MATK: variants seen among roughly 807,000 people sequenced by gnomAD.
MATK encodes the protein megakaryocyte-associated tyrosine kinase.
A neutral mutation model predicts 59.8 loss-of-function variants in MATK; 41 were observed. That is an observed-to-expected ratio of 0.69 (90% CI 0.53 to 0.89). The LOEUF (loss-of-function observed/expected upper bound fraction) is 0.89, where lower values mean the gene tolerates loss of function less well. Among genes scored for constraint, MATK ranks in the 40% least tolerant of loss-of-function variants. The pLI is 0.00. For missense variants in MATK, 593 were observed against 719.6 expected, an observed-to-expected ratio of 0.82 and a Z score of 2.01; for synonymous variants, 308 against 306.1, an observed-to-expected ratio of 1.01 and a Z score of -0.06.
chr19:3,784,426 C>T lies in MATK; in HGVS notation c.158G>A (p.Cys53Tyr), dbSNP rs767367664. Residue 53 changes from cysteine to tyrosine, a missense_variant, in exon 4 of 14, where the codon TGT (cysteine) becomes TAT (tyrosine). Coordinates refer to ENST00000310132, the MANE Select transcript of MATK (RefSeq NM_139355.3). ...PTRRWAPGTQ[C>Y]ITKCEHTRPK... ...GCGGGTGTGCTCGCATTTGGTGATACACTGGGTGCCCGGGGCCCAGCGCCT... is the reference window on the plus strand; with the variant it reads ...GCGGGTGTGCTCGCATTTGGTGATATACTGGGTGCCCGGGGCCCAGCGCCT... 1 of 1,601,522 alleles carries T rather than the reference C, an allele frequency of 6.2e-7. No individual in the cohort carries two copies. The highest frequency in any genetic ancestry group is 8.5e-7 in the Non-Finnish European group (1 of 1,176,500).
chr19:3,779,684 AC>A lies in MATK; in HGVS notation c.842+13del, dbSNP rs2037372182. The A allele has an allele frequency of 6.2e-7, 1 of 1,610,254 alleles. No homozygotes were observed. The highest frequency in any genetic ancestry group is 1.4e-5 in the African/African-American group (1 of 73,510). Reference sequence around the variant, plus strand: ...CCCCCGTCCCACGGTCCCCAGCCCCACCCTGGGACTCACGTCATGACGGCCG... The same window carrying A: ...CCCCCGTCCCACGGTCCCCAGCCCCACCTGGGACTCACGTCATGACGGCCG... On this transcript the variant is annotated intron_variant, in intron 9 of 13. Coordinates refer to ENST00000310132, the MANE Select transcript of MATK (RefSeq NM_139355.3).
rs779864879 is a variant in MATK, at chr19:3,781,672, G to A, written c.677C>T (p.Ala226Val). 10 of 1,612,742 alleles carry A rather than the reference G, an allele frequency of 6.2e-6. No individual in the cohort carries two copies. Among genetic ancestry groups the A allele is most frequent in the Admixed American group, 5.0e-5 (3 of 59,982 alleles). ...TKSAEEELAR[A>V]GWLLNLQHLT... ...ATGCTGCAGGTTCAGTAACCAGCCC[G>A]CTGTGGAGTGAAGACCCAGTCAGAG... Residue 226 changes from alanine to valine, a missense_variant and splice_region_variant, in exon 8 of 14, where the codon GCG becomes GTG. Transcript: ENST00000310132.
chr19:3,778,115 G>T lies in MATK; in HGVS notation c.*68C>A. 6.6e-7 allele frequency: 1 copy of T among 1,505,042 alleles called. No individual in the cohort carries two copies. The allele number at this position is 1,505,042 out of a possible 1,614,324, so 93.2% of individuals were successfully genotyped here. On this transcript the variant is annotated 3_prime_UTR_variant, in exon 14 of 14. Coordinates refer to ENST00000310132, the MANE Select transcript of MATK (RefSeq NM_139355.3). ...CCCGCCTGGACCCTCCTTGGGCCTGGTCAGTGCCCCCACGCCGCACTCTCC... is the reference window on the plus strand; with the variant it reads ...CCCGCCTGGACCCTCCTTGGGCCTGTTCAGTGCCCCCACGCCGCACTCTCC...
At chr19:3,782,016 G>A (rs921092148) in intron 7 of MATK, among the ~76,000 whole-genome samples, 1 of 152,114 alleles carries the variant, frequency 6.6e-6, no homozygotes, top group Non-Finnish European at 1.5e-5. Context: ...AGGCCCAAGG[G>A]GTAGTGCCAG....
At chr19:3,789,443 G>T, upstream of MATK, 1 of 594,416 alleles carries the variant, frequency 1.7e-6, no homozygotes, top group Non-Finnish European at 3.1e-6. Context: ...CTCCCGAGGA[G>T]CCCCAGGGCT....
chr19:3,784,726 A>T (rs928949648), intron 3 of MATK, 99 bp downstream of exon 3: 5 of 799,900 alleles, frequency 6.3e-6, no homozygotes, highest in Non-Finnish European at 1.1e-5. Flanking sequence ...AGAAGGGGGT[A>T]GGGGGCAGAG....
At chr19:3,798,516 T>C (rs2037615439) in intron 1 of MATK, among the ~76,000 whole-genome samples, 1 of 152,144 alleles carries the variant, frequency 6.6e-6, no homozygotes, top group African/African-American at 2.4e-5. Flanking sequence ...ATTTTTTATT[T>C]TTTTTATTTT....
chr19:3,779,368 T>C lies in MATK; in HGVS notation c.1001+10A>G. On this transcript the variant is annotated intron_variant, in intron 11 of 13. Coordinates refer to ENST00000310132, the MANE Select transcript of MATK (RefSeq NM_139355.3). ...CCCCAGTGCCGCAGCACCCTGAGAG[T>C]CCCACTTACAGAGAAAACTGCAGGA... 1 of 1,612,784 alleles carries C rather than the reference T, an allele frequency of 6.2e-7. No individual in the cohort carries two copies. Among genetic ancestry groups the C allele is most frequent in the South Asian group, 1.1e-5 (1 of 91,062 alleles).
upstream of MATK, chr19:3,789,260 A>T (rs780195472): frequency 3.9e-6 from 3 of 774,302 alleles, no homozygotes; most frequent in Non-Finnish European, 7.2e-6. Context: ...CAGCCGCCTA[A>T]TTTGATTCTC....
intron 1 of MATK, among the ~76,000 whole-genome samples, chr19:3,796,258 G>T (rs2037593734): frequency 6.6e-6 from 1 of 152,166 alleles, no homozygotes; most frequent in African/African-American, 2.4e-5. Flanking sequence ...TGAAGACAAA[G>T]CAATATAATG....
Position 3,791,794 on chromosome 19 carries a change from C to T in MATK, c.-57-2390G>A, listed in dbSNP as rs148559920. ...CCAAATTCCTAGAGATCACTGAGAC[C>T]AGTCTTCTCATTTGAGAAGTAGAAC... On this transcript the variant is annotated intron_variant, in intron 1 of 13. Coordinates refer to the MATK transcript ENST00000395045. Among the ~76,000 whole-genome samples the T allele has an allele frequency of 3.9e-5, 6 of 152,228 alleles. No homozygotes were observed. In the East Asian group the frequency reaches 1.2e-3, roughly 29 times the overall value.
At chr19:3,795,987 C>A (rs952571352) in intron 1 of MATK, among the ~76,000 whole-genome samples, 6 of 151,874 alleles carry the variant, frequency 4.0e-5, no homozygotes, top group Admixed American at 2.0e-4. Flanking sequence ...GTCTCGAACT[C>A]CTGACCTCAA....
rs939277260 is a variant in MATK, at chr19:3,786,188, G to A, written c.-171C>T. 1 of 981,390 alleles carries A rather than the reference G, an allele frequency of 1.0e-6. No individual in the cohort carries two copies. The highest frequency in any genetic ancestry group is 1.8e-5 in the African/African-American group (1 of 56,898). 60.8% of individuals were successfully genotyped at this position (981,390 alleles called of 1,614,324 possible). On this transcript the variant is annotated 5_prime_UTR_variant, in exon 1 of 14. Transcript: ENST00000310132. This position sits in a 1 kb window ranked among gnomAD's most constrained non-coding sequence, Gnocchi z 4.1. ...GCTCACCTGCTCAGGGGGCGCCCCC[G>A]AGCCGCGCCCCGCGCCCGCCCCCAG...
At position 3,778,382 on chromosome 19, in the gene MATK, C is replaced by T. The variant is rs200912092; in HGVS notation, c.1325G>A (p.Arg442His). The T allele has an allele frequency of 1.5e-5, 24 of 1,610,978 alleles. No individual in the cohort carries two copies. Among genetic ancestry groups the T allele is most frequent in the African/African-American group, 4.0e-5 (3 of 74,920 alleles). ...EVSEAVEKGY[R>H]MEPPEGCPGP... ...TGGACAGCCCTCGGGGGGTTCCATG[C>T]GGTACCCCTTCTCCACGGCCTCCGA... Residue 442 changes from arginine (R) to histidine (H), a missense_variant, in exon 14 of 14, where the codon CGC becomes CAC. Arg to His is a conservative substitution (Grantham distance 29, BLOSUM62 0). Transcript: ENST00000310132.
At chr19:3,780,778 C>T (rs1194237827) in intron 8 of MATK, among the ~76,000 whole-genome samples, 1 of 151,230 alleles carries the variant, frequency 6.6e-6, no homozygotes, top group Non-Finnish European at 1.5e-5. Context: ...ACTCTCTCAC[C>T]CAGGTAGAGT....
intron 1 of MATK, chr19:3,785,853 G>C: frequency 6.6e-6 from 1 of 152,626 alleles, no homozygotes; most frequent in East Asian, 1.9e-4. Context: ...CACGCAGGGC[G>C]CTACGCAGGG....
chr19:3,779,517 C>A lies in MATK; in HGVS notation c.927+16G>T, dbSNP rs755142914. 4 of 1,610,866 alleles carry A rather than the reference C, an allele frequency of 2.5e-6. No individual in the cohort carries two copies. The African/African-American group carries it at 5.3e-5, about 22-fold the overall frequency. Reference sequence around the variant, plus strand: ...TCCGCTGCGTGGGCCCCCTCCCCGCCTGGGCCCCGCCCCACCTTGCTCACG... The same window carrying A: ...TCCGCTGCGTGGGCCCCCTCCCCGCATGGGCCCCGCCCCACCTTGCTCACG... On this transcript the variant is annotated intron_variant, in intron 10 of 13. Coordinates refer to ENST00000310132, the MANE Select transcript of MATK (RefSeq NM_139355.3).
upstream of MATK, among the ~76,000 whole-genome samples, chr19:3,789,942 C>T (rs1040919731): frequency 3.3e-5 from 5 of 151,836 alleles, no homozygotes; most frequent in Non-Finnish European, 5.9e-5. Flanking sequence ...ACTCCTGTCA[C>T]GCAGGCTGGA....
intron 1 of MATK, chr19:3,793,444 C>T (rs2037562277): frequency 1.3e-5 from 2 of 152,336 alleles, no homozygotes; most frequent in East Asian, 1.9e-4. Flanking sequence ...TGGCTCATGC[C>T]TATAATCCCA....
Sources: gnomAD v4.1 joint callset for allele counts (sites outside exome capture counted in the v4.1 genomes callset) on GRCh38, gnomAD v4.1.1 for gene constraint, Gnocchi (gnomAD v3.1) non-coding constraint, MANE v1.5 for transcripts, NCBI Gene and HGNC (gene_info 2026-07-23, HGNC 2026-07-21) for gene names.